Variants in RUVBL1 observed in about 807,000 individuals in gnomAD.
RUVBL1 encodes the protein ruvB-like 1.
In RUVBL1, 4 loss-of-function variants were observed where a neutral mutation model predicts 52.4. The ratio of observed to expected loss-of-function variants is 0.08; its 90% CI spans 0.04 to 0.17. RUVBL1 has a LOEUF of 0.17. Among genes scored for constraint, RUVBL1 ranks in the 10% least tolerant of loss-of-function variants. RUVBL1 has a pLI of 1.00. For missense variants in RUVBL1, 298 were observed against 572.8 expected (o/e 0.52, Z 4.90); for synonymous variants, 217 against 214.4 (o/e 1.01, Z -0.10).
chr3:128,067,317 C>A lies in RUVBL1; in HGVS notation c.940-2097G>T. The A allele has an allele frequency of 1.5e-6, 2 of 1,338,766 alleles. No homozygotes were observed. Among genetic ancestry groups the A allele is most frequent in the Non-Finnish European group, 2.1e-6 (2 of 965,720 alleles). 82.9% of individuals were successfully genotyped at this position (1,338,766 alleles called of 1,614,324 possible). On this transcript the variant is annotated intron_variant, in intron 9 of 9. Coordinates refer to the RUVBL1 transcript ENST00000464873. This position sits in a 1 kb window ranked among gnomAD's most constrained non-coding sequence, Gnocchi z 4.1. ...TTCAGTAAAAAAATTGTACTGTGGGCACCGAGTAAAATTGCATTCTTTCAT... is the reference window on the plus strand; with the variant it reads ...TTCAGTAAAAAAATTGTACTGTGGGAACCGAGTAAAATTGCATTCTTTCAT...
At chr3:128,069,686 G>A (rs764428081) in intron 9 of RUVBL1, 72 of 1,609,254 alleles carry the variant, frequency 4.5e-5, no homozygotes, top group African/African-American at 2.7e-5. Flanking sequence ...ACAGGTTGAG[G>A]AAGCTGCTCC....
At chr3:128,109,717 C>T (rs536434227) in intron 3 of RUVBL1, among the ~76,000 whole-genome samples, 2 of 152,024 alleles carry the variant, frequency 1.3e-5, no homozygotes, top group African/African-American at 2.4e-5. Context: ...TGGTCTCGAA[C>T]TCCTGGGCTC....
At chr3:128,123,478 G>A (rs1943707395) in intron 1 of RUVBL1, 106 bp downstream of exon 1, 2 of 1,264,600 alleles carry the variant, frequency 1.6e-6, no homozygotes. Context: ...AATAATGGCG[G>A]GAGACCCCTG....
intron 9 of RUVBL1, among the ~76,000 whole-genome samples, chr3:128,074,842 C>CAAAAAAAAAAAAAAAAAAAAAAAAAAAA: frequency 1.4e-5 from 1 of 72,798 alleles, no homozygotes; most frequent in Non-Finnish European, 2.7e-5. Flanking sequence ...AACTCCGTCT[C>CAAAAAAAAAAAAAAAAAAAAAAAAAAAA]AAAAAAAAAA....
chr3:128,069,240 T>C (rs942166768), intron 9 of RUVBL1, among the ~76,000 whole-genome samples: 15 of 152,378 alleles, frequency 9.8e-5, no homozygotes, highest in African/African-American at 3.6e-4. Flanking sequence ...CAAAATCTTA[T>C]GTGACATCTC....
chr3:128,100,821 T>C, intron 5 of RUVBL1, 77 bp from the exon 6 acceptor site: 3 of 1,543,924 alleles, frequency 1.9e-6, no homozygotes. Context: ...CTAAGTGAGA[T>C]AAAGGTCTCA....
At chr3:128,091,640 T>G (rs1485520801) in intron 8 of RUVBL1, among the ~76,000 whole-genome samples, 2 of 152,214 alleles carry the variant, frequency 1.3e-5, no homozygotes, top group African/African-American at 2.4e-5. Context: ...TACCACCACA[T>G]GTGCAACATG....
downstream of RUVBL1, among the ~76,000 whole-genome samples, chr3:128,078,188 ACCC>A (rs1328512203): frequency 6.6e-6 from 1 of 152,074 alleles, no homozygotes; most frequent in Non-Finnish European, 1.5e-5. Context: ...TGGGAGTGCA[ACCC>A]CAGCCCCCTT....
rs1291957966 is a variant in RUVBL1, at chr3:128,082,120, C to T, written c.1211+363G>A. ...CAAAAAAGTTAAAGATTTACCAGGC[C>T]TCATAACACCACCGGGAGAACAGGA... On this transcript the variant is annotated intron_variant, in intron 10 of 10. Transcript: ENST00000322623. This position sits in a 1 kb window ranked among gnomAD's most constrained non-coding sequence, Gnocchi z 4.7. The T allele has an allele frequency of 1.0e-5, 2 of 199,416 alleles. No homozygotes were observed. Among genetic ancestry groups the T allele is most frequent in the Non-Finnish European group, 2.1e-5 (2 of 97,364 alleles). The allele number at this position is 199,416 out of a possible 1,614,324, so 12.4% of individuals were successfully genotyped here. A position where few individuals can be genotyped will look rare whatever the true frequency, so the allele number is the denominator to read the frequency against.
At chr3:128,126,417 G>A (rs1220689385), upstream of RUVBL1, among the ~76,000 whole-genome samples, 1 of 152,078 alleles carries the variant, frequency 6.6e-6, no homozygotes, top group Non-Finnish European at 1.5e-5. Context: ...GTGATGGCAG[G>A]CGCCTGTAAC....
intron 1 of RUVBL1, among the ~76,000 whole-genome samples, chr3:128,134,160 G>A (rs965948286): frequency 3.3e-5 from 5 of 152,020 alleles, no homozygotes; most frequent in Admixed American, 2.0e-4. Flanking sequence ...AAGCATTAGT[G>A]AGCTTGAAGA....
At chr3:128,095,994 G>A (rs1942959790) in intron 8 of RUVBL1, among the ~76,000 whole-genome samples, 1 of 152,148 alleles carries the variant, frequency 6.6e-6, no homozygotes, top group Non-Finnish European at 1.5e-5. Flanking sequence ...ATCATTCAGA[G>A]CTGAGTTAGG....
rs1217966978 is a variant in RUVBL1, at chr3:128,101,605, T to C, written c.557A>G (p.Glu186Gly). 6.2e-7 allele frequency: 1 copy of C among 1,614,084 alleles called. No individual in the cohort carries two copies. Among genetic ancestry groups the C allele is most frequent in the East Asian group, 2.2e-5 (1 of 44,886 alleles). Residue 186 changes from glutamate to glycine, a missense_variant, in exon 5 of 11, where the codon GAA becomes GGA. Physicochemically the swap from Glu to Gly is moderately conservative, Grantham distance 98. Coordinates refer to ENST00000322623, the MANE Select transcript of RUVBL1 (RefSeq NM_003707.3). The stretch of plus-strand genomic sequence containing the variant: ...TTCAATGTAAATCACATCTCCAGCT[T>C]CTACTCGCTCTTTCTGCAAACTTTC... ...IFESLQKERV[E>G]AGDVIYIEAN...
chr3:128,069,476 G>A (rs1424082992), intron 9 of RUVBL1: 2 of 1,609,970 alleles, frequency 1.2e-6, no homozygotes, highest in African/African-American at 2.7e-5. Flanking sequence ...CCTCCCCCAG[G>A]TACATCCCCA....
chr3:128,131,874 G>A (rs943486734), intron 1 of RUVBL1, among the ~76,000 whole-genome samples: 2 of 152,150 alleles, frequency 1.3e-5, no homozygotes, highest in South Asian at 2.1e-4. Context: ...CCCACCTGCC[G>A]CCAGCAGGAA....
chr3:128,076,170 C>G (rs923134481), downstream of RUVBL1: 1 of 152,370 alleles, frequency 6.6e-6, no homozygotes, highest in Non-Finnish European at 1.5e-5. This position sits in a 1 kb window ranked among gnomAD's most constrained non-coding sequence, Gnocchi z 6.8. Flanking sequence ...AGGGGCAGTG[C>G]CTCAGAGGCA....
chr3:128,091,991 G>A (rs755748551), intron 8 of RUVBL1, among the ~76,000 whole-genome samples: 16 of 152,290 alleles, frequency 1.1e-4, no homozygotes, highest in South Asian at 2.1e-4. Flanking sequence ...TAATGTGATG[G>A]GTAACTCACC....
intron 1 of RUVBL1, among the ~76,000 whole-genome samples, chr3:128,140,475 G>C (rs1267153734): frequency 1.3e-5 from 2 of 151,824 alleles, no homozygotes; most frequent in African/African-American, 2.4e-5. Context: ...TTCAGACCTG[G>C]GCTGACTTCT....
upstream of RUVBL1, among the ~76,000 whole-genome samples, chr3:128,127,607 C>CTG (rs1943810843): frequency 6.6e-6 from 1 of 152,186 alleles, no homozygotes; most frequent in Admixed American, 6.5e-5. Flanking sequence ...CTGAGGGCTA[C>CTG]TGTGTGTGGC....
Sources: gnomAD v4.1 joint callset for allele counts (sites outside exome capture counted in the v4.1 genomes callset) on GRCh38, gnomAD v4.1.1 for gene constraint, Gnocchi (gnomAD v3.1) non-coding constraint, MANE v1.5 for transcripts, NCBI Gene and HGNC (gene_info 2026-07-23, HGNC 2026-07-21) for gene names.